DPP6: variants seen among roughly 807,000 people sequenced by gnomAD.
The protein encoded by DPP6 is A-type potassium channel modulatory protein DPP6.
A neutral mutation model predicts 122.6 loss-of-function variants in DPP6; 69 were observed. That is an observed-to-expected ratio of 0.56 (90% CI 0.46 to 0.69). The LOEUF (loss-of-function observed/expected upper bound fraction) is 0.69. DPP6 is among the 30% of genes least tolerant of loss of function. DPP6 has a pLI of 0.00. For synonymous variants in DPP6, 418 were observed against 433.1 expected (o/e 0.97, Z 0.43); for missense variants, 928 against 1,116.9 (o/e 0.83, Z 2.41).
Position 154,666,765 on chromosome 7 carries a change from A to G in DPP6, c.681-2595A>G, listed in dbSNP as rs186921124. Among the ~76,000 whole-genome samples, 1,280 of 152,320 alleles carry G rather than the reference A, an allele frequency of 8.4e-3. 10 individuals are homozygous for G. The highest frequency in any genetic ancestry group is 0.014 in the South Asian group (68 of 4,828). ...TTTATTCAACCACATATTGTTTCCA[A>G]TATTTGCAACTACAAATAAAACTGC... On this transcript the variant is annotated intron_variant, in intron 6 of 25. Coordinates refer to ENST00000377770, the MANE Select transcript of DPP6 (RefSeq NM_130797.4).
At chr7:154,689,904 T>C (rs962195174) in intron 7 of DPP6, among the ~76,000 whole-genome samples, 1 of 152,210 alleles carries the variant, frequency 6.6e-6, no homozygotes, top group Non-Finnish European at 1.5e-5. Context: ...TTCCCATGCA[T>C]TTTCTTTATT....
At chr7:154,023,326 A>ACGCG (rs1413526502) in intron 1 of DPP6, among the ~76,000 whole-genome samples, 9 of 138,220 alleles carry the variant, frequency 6.5e-5, no homozygotes, top group African/African-American at 2.5e-4. Context: ...CTGCACACAC[A>ACGCG]CACACACACA....
At chr7:153,748,544 A>C in the DPP6 span, among the ~76,000 whole-genome samples, 2 of 55,246 alleles carry the variant, frequency 3.6e-5, no homozygotes, top group African/African-American at 7.4e-5. Context: ...GGGTTTCCCC[A>C]CCCCTTGCGC....
intron 1 of DPP6, among the ~76,000 whole-genome samples, chr7:154,151,154 G>C (rs913802391): frequency 2.0e-5 from 3 of 152,164 alleles, no homozygotes; most frequent in African/African-American, 7.2e-5. Flanking sequence ...TTCAGTAGAG[G>C]CTTCTTCCAT....
chr7:154,555,436 A>G (rs1216419979), intron 4 of DPP6, among the ~76,000 whole-genome samples: 1 of 151,924 alleles, frequency 6.6e-6, no homozygotes, highest in Non-Finnish European at 1.5e-5. Flanking sequence ...TGGACACAGG[A>G]AGGGGAACAT....
chr7:153,866,766 G>T, the DPP6 span, among the ~76,000 whole-genome samples: 1 of 152,036 alleles, frequency 6.6e-6, no homozygotes, highest in African/African-American at 2.4e-5. Flanking sequence ...TTCCTTCTAG[G>T]GTTTTTATGG....
At chr7:153,780,431 G>A in the DPP6 span, among the ~76,000 whole-genome samples, 2 of 152,024 alleles carry the variant, frequency 1.3e-5, no homozygotes, top group Admixed American at 6.6e-5. Context: ...TTTTTAAATA[G>A]CCTCTTGATA....
chr7:154,454,305 G>A (rs1294733585), intron 2 of DPP6, among the ~76,000 whole-genome samples: 1 of 152,204 alleles, frequency 6.6e-6, no homozygotes, highest in Non-Finnish European at 1.5e-5. Flanking sequence ...ATGAAACACA[G>A]AGTTGTTTTG....
intron 10 of DPP6, among the ~76,000 whole-genome samples, chr7:154,784,401 G>A (rs551109557): frequency 1.3e-5 from 2 of 152,292 alleles, no homozygotes; most frequent in East Asian, 3.9e-4. Flanking sequence ...AAAGCCCGCA[G>A]AGAGCTCAGC....
At chr7:153,871,678 C>G in the DPP6 span, among the ~76,000 whole-genome samples, 1 of 152,178 alleles carries the variant, frequency 6.6e-6, no homozygotes, top group African/African-American at 2.4e-5. Flanking sequence ...CTGTCTGGCA[C>G]TCCCCAGTGA....
chr7:154,587,908 G>C (rs1361643405), intron 5 of DPP6: 1 of 1,612,782 alleles, frequency 6.2e-7, no homozygotes, highest in East Asian at 2.2e-5. Flanking sequence ...TTGCAGGAGA[G>C]TCCCAGGAGG....
At chr7:154,245,400 C>T (rs181656570) in intron 1 of DPP6, among the ~76,000 whole-genome samples, 2,710 of 150,864 alleles carry the variant, frequency 0.018, 80 homozygotes, top group African/African-American at 0.062. Flanking sequence ...TTTTGGAGGC[C>T]GAGGTGGGTG....
At chr7:154,647,812 A>G (rs1055505812) in intron 6 of DPP6, among the ~76,000 whole-genome samples, 3 of 152,132 alleles carry the variant, frequency 2.0e-5, no homozygotes, top group Admixed American at 2.0e-4. Context: ...CCAGCCATTA[A>G]TCTCCTGGGA....
At chr7:154,734,767 C>T (rs999951958) in intron 8 of DPP6, among the ~76,000 whole-genome samples, 4 of 152,154 alleles carry the variant, frequency 2.6e-5, no homozygotes, top group African/African-American at 9.7e-5. Context: ...AGCTTCACCA[C>T]GTAAAAGCTG....
intron 17 of DPP6, among the ~76,000 whole-genome samples, chr7:154,858,830 G>T (rs1204636589): frequency 2.6e-5 from 4 of 152,154 alleles, no homozygotes; most frequent in African/African-American, 9.7e-5. Context: ...GCAGTCTTTG[G>T]CTAGCCATCC....
At chr7:154,062,273 A>G in intron 1 of DPP6, among the ~76,000 whole-genome samples, 1 of 83,558 alleles carries the variant, frequency 1.2e-5, no homozygotes, top group Non-Finnish European at 2.4e-5. Context: ...ACGTGGGATT[A>G]CTGAGAGCCA....
chr7:154,748,504 G>A lies in DPP6; in HGVS notation c.883+20617G>A, dbSNP rs1260431761. 2.0e-5 allele frequency among the ~76,000 whole-genome samples: 3 copies of A among 152,168 alleles called. No individual in the cohort carries two copies. The East Asian group carries it at 5.8e-4, about 29-fold the overall frequency. Reference sequence around the variant, plus strand: ...CAGAGCACTGTTTGCCAACACCCGCGGCACTAGACAACGCCAAGAGAATGG... The same window carrying A: ...CAGAGCACTGTTTGCCAACACCCGCAGCACTAGACAACGCCAAGAGAATGG... On this transcript the variant is annotated intron_variant, in intron 8 of 25. Transcript: ENST00000377770.
intron 16 of DPP6, among the ~76,000 whole-genome samples, chr7:154,851,939 T>C (rs1004884218): frequency 6.6e-6 from 1 of 152,090 alleles, no homozygotes; most frequent in African/African-American, 2.4e-5. Flanking sequence ...GGGCAACAGA[T>C]AGGCCTCTTC....
At chr7:154,366,344 C>A (rs936824173) in intron 1 of DPP6, among the ~76,000 whole-genome samples, 3 of 152,188 alleles carry the variant, frequency 2.0e-5, no homozygotes, top group African/African-American at 7.2e-5. Context: ...CATCTACAAC[C>A]AAATACCCCT....
Sources: gnomAD v4.1 joint callset for allele counts (sites outside exome capture counted in the v4.1 genomes callset) on GRCh38, gnomAD v4.1.1 for gene constraint, MANE v1.5 for transcripts, NCBI Gene and HGNC (gene_info 2026-07-23, HGNC 2026-07-21) for gene names.